Variants in ADAMTS13 observed in about 807,000 individuals in gnomAD.
ADAMTS13 encodes the protein A disintegrin and metalloproteinase with thrombospondin motifs 13.
Under a neutral mutation model 155.1 loss-of-function variants are expected in ADAMTS13, and 110 were observed. That is an observed-to-expected ratio of 0.71 (90% CI 0.61 to 0.83). ADAMTS13 has a LOEUF of 0.83. Ranked by LOEUF, ADAMTS13 falls within the 40% of genes least tolerant of loss-of-function variation. ADAMTS13 has a pLI of 0.00. For missense variants in ADAMTS13, 1,707 were observed against 1,891.7 expected (o/e 0.90, Z 1.81); for synonymous variants, 758 against 756.4 (o/e 1.00, Z -0.03).
intron 1 of ADAMTS13, 69 bp downstream of exon 1, chr9:133,422,617 C>T (rs1840026578): frequency 1.2e-5 from 18 of 1,514,972 alleles, no homozygotes; most frequent in South Asian, 1.0e-4. Context: ...CTACCTGGGG[C>T]GAGGGGAGTG....
At chr9:133,418,454 C>G (rs995434407), upstream of ADAMTS13, among the ~76,000 whole-genome samples, 3 of 152,200 alleles carry the variant, frequency 2.0e-5, no homozygotes, top group African/African-American at 7.2e-5. Context: ...GAGTTCCTGC[C>G]AGTTCACTCT....
chr9:133,417,871 G>A (rs782162265), upstream of ADAMTS13: 12 of 1,591,980 alleles, frequency 7.5e-6, no homozygotes, highest in Non-Finnish European at 1.0e-5. Flanking sequence ...GCCTGGGCCG[G>A]CGGCCACCCG....
At chr9:133,417,599 C>T (rs587716845), upstream of ADAMTS13, 5 of 1,610,334 alleles carry the variant, frequency 3.1e-6, no homozygotes, top group African/African-American at 5.3e-5. Context: ...AGCGCTCCGC[C>T]CGGGCCCCCT....
In ADAMTS13 at chr9:133,459,257, C is replaced by T. The variant is rs180910039; in HGVS notation, c.*77C>T. On this transcript the variant is annotated 3_prime_UTR_variant, in exon 29 of 29. Coordinates refer to ENST00000355699, the MANE Select transcript of ADAMTS13 (RefSeq NM_139027.6). ...TGGTCTCAGTGCTTTCCAATTCGAA[C>T]TTTTTCCAATCTTAGGTATCTACTT... is the stretch of plus-strand genomic sequence containing the variant. 1,555 of 1,403,292 alleles carry T rather than the reference C, an allele frequency of 1.1e-3. 22 individuals are homozygous for T. The African/African-American group carries it at 0.019, about 17-fold the overall frequency. The allele number at this position is 1,403,292 out of a possible 1,614,324, so 86.9% of individuals were successfully genotyped here. A position where few individuals can be genotyped will look rare whatever the true frequency, so the allele number is the denominator to read the frequency against.
At position 133,449,974 on chromosome 9, in the gene ADAMTS13, G is replaced by C. The variant is rs782491843; in HGVS notation, c.3044+9G>C. 6 of 1,590,004 alleles carry C rather than the reference G, an allele frequency of 3.8e-6. No homozygotes were observed. In the East Asian group the frequency reaches 1.1e-4, roughly 30 times the overall value. ...GAGCCCTGCCCACCTAGGTGAGTCA[G>C]CCGGTGATGGGAGGGGCAGCTCCTG... On this transcript the variant is annotated intron_variant, in intron 23 of 28. Transcript: ENST00000355699.
rs1035970151 is a variant in ADAMTS13 at position 133,445,688 on chromosome 9, A to T, written c.2611-11A>T. 1 of 1,612,860 alleles carries T rather than the reference A, an allele frequency of 6.2e-7. No individual in the cohort carries two copies. Among genetic ancestry groups the T allele is most frequent in the Non-Finnish European group, 8.5e-7 (1 of 1,179,854 alleles). ...GGCCCAGACCCACCAGCTTGTTGCT[A>T]TTCCCCACAGCTGGATGCCACCTCT... On this transcript the variant is annotated splice_polypyrimidine_tract_variant and intron_variant, in intron 20 of 28. Transcript: ENST00000355699. This position sits in a 1 kb window ranked among gnomAD's most constrained non-coding sequence, Gnocchi z 5.0.
intron 16 of ADAMTS13, among the ~76,000 whole-genome samples, 174 bp from the exon 17 acceptor site, chr9:133,442,225 G>A (rs1554790965): frequency 2.0e-5 from 3 of 152,104 alleles, no homozygotes; most frequent in African/African-American, 7.2e-5. Context: ...CCTGCCTCAG[G>A]CTCCCAAAGT....
intron 14 of ADAMTS13, 138 bp downstream of exon 14, chr9:133,438,504 A>G (rs915238024): frequency 1.3e-5 from 18 of 1,345,168 alleles, no homozygotes; most frequent in East Asian, 1.3e-4. Context: ...CTGTGGTGTC[A>G]GCGTCTCCCT....
At chr9:133,430,677 C>T (rs1023850068) in intron 8 of ADAMTS13, among the ~76,000 whole-genome samples, 32 of 150,428 alleles carry the variant, frequency 2.1e-4, no homozygotes, top group Non-Finnish European at 4.0e-4. Flanking sequence ...ACTATAAATA[C>T]AAGTCTTTTT....
rs1554789131 is a variant in ADAMTS13, at chr9:133,436,813, GCCT to G, written c.1309-9_1309-7del. 2.7e-6 allele frequency: 4 copies of G among 1,494,728 alleles called. No homozygotes were observed. The African/African-American group carries it at 4.7e-5, about 18-fold the overall frequency. The allele number at this position is 1,494,728 out of a possible 1,614,324, so 92.6% of individuals were successfully genotyped here. ...CGCCCCACCGCCATCCCCCTCCTCT[GCCT>G]CCTCCTGGCCAGGCCTGCGAGAAGA... On this transcript the variant is annotated splice_polypyrimidine_tract_variant and intron_variant, in intron 11 of 28. Transcript: ENST00000355699.
At chr9:133,455,644 GA>G in intron 25 of ADAMTS13, 1 of 1,595,276 alleles carries the variant, frequency 6.3e-7, no homozygotes, top group Non-Finnish European at 8.5e-7. Context: ...GCTGCTGCAG[GA>G]GGGGTGGGCA....
chr9:133,435,385 C>T (rs1410114571), intron 11 of ADAMTS13, among the ~76,000 whole-genome samples: 1 of 151,602 alleles, frequency 6.6e-6, no homozygotes, highest in Non-Finnish European at 1.5e-5. Flanking sequence ...ATGGAGTTTC[C>T]ACCACGTCAG....
At chr9:133,416,514 G>A (rs993403714) in intron 1 of ADAMTS13, among the ~76,000 whole-genome samples, 3 of 152,200 alleles carry the variant, frequency 2.0e-5, no homozygotes, top group African/African-American at 7.2e-5. Context: ...GGGAGGCTGA[G>A]GCAGGAGAAT....
At chr9:133,420,818 T>G (rs1023205389), upstream of ADAMTS13, among the ~76,000 whole-genome samples, 2 of 152,218 alleles carry the variant, frequency 1.3e-5, no homozygotes, top group African/African-American at 4.8e-5. Context: ...TGGTGACCTT[T>G]TAAAGATCAA....
At chr9:133,446,627 C>T (rs1176598077) in intron 21 of ADAMTS13, among the ~76,000 whole-genome samples, 2 of 152,202 alleles carry the variant, frequency 1.3e-5, no homozygotes, top group African/African-American at 2.4e-5. Flanking sequence ...AATAATGCTT[C>T]TGTGAACATG....
Position 133,425,792 on chromosome 9 carries a change from C to CT in ADAMTS13, c.415-145dup. The CT allele has an allele frequency of 6.8e-7, 1 of 1,466,016 alleles. No homozygotes were observed. The highest frequency in any genetic ancestry group is 9.3e-7 in the Non-Finnish European group (1 of 1,079,948). 90.8% of individuals were successfully genotyped at this position (1,466,016 alleles called of 1,614,324 possible). A position where few individuals can be genotyped will look rare whatever the true frequency, so the allele number is the denominator to read the frequency against. On this transcript the variant is annotated intron_variant, in intron 4 of 28. Coordinates refer to ENST00000355699, the MANE Select transcript of ADAMTS13 (RefSeq NM_139027.6). The surrounding 1 kb of genome is among the most constrained non-coding windows in gnomAD (Gnocchi z 4.6). ...CCAGCACTCAGCACAGGCTGCCTGA[C>CT]TACTTCTCTGAGCCTCAGTTGTCTC... is the stretch of plus-strand genomic sequence containing the variant.
chr9:133,417,681 G>C, upstream of ADAMTS13: 1 of 1,614,088 alleles, frequency 6.2e-7, no homozygotes, highest in Non-Finnish European at 8.5e-7. Flanking sequence ...TCGCACCACA[G>C]CACCGGGGCC....
At chr9:133,452,543 G>A (rs1185576543) in intron 23 of ADAMTS13, among the ~76,000 whole-genome samples, 3 of 152,138 alleles carry the variant, frequency 2.0e-5, no homozygotes, top group Non-Finnish European at 2.9e-5. Flanking sequence ...GAGATGATCT[G>A]GGATTTTATG....
intron 8 of ADAMTS13, among the ~76,000 whole-genome samples, chr9:133,431,445 G>A (rs1033552061): frequency 1.3e-5 from 2 of 150,276 alleles, no homozygotes; most frequent in African/African-American, 4.9e-5. Context: ...CCGGGCCTAC[G>A]CCTCCCGAGT....
Sources: gnomAD v4.1 joint callset for allele counts (sites outside exome capture counted in the v4.1 genomes callset) on GRCh38, gnomAD v4.1.1 for gene constraint, Gnocchi (gnomAD v3.1) non-coding constraint, MANE v1.5 for transcripts, NCBI Gene and HGNC (gene_info 2026-07-23, HGNC 2026-07-21) for gene names.